Variants in SMG1 observed in about 807,000 individuals in gnomAD.
SMG1 encodes SMG1 nonsense mediated mRNA decay associated PI3K related kinase, also known as serine/threonine-protein kinase SMG1.
SMG1 carries 22 observed loss-of-function variants against 419.9 expected under a neutral mutation model. That is an observed-to-expected ratio of 0.05 (90% CI 0.04 to 0.07). The LOEUF is 0.07. SMG1 is among the 10% of genes least tolerant of loss of function. The probability of loss-of-function intolerance (pLI) is 1.00; values close to 1 mark genes in which losing one functional copy is unlikely to be tolerated. For synonymous variants in SMG1, 1,538 were observed against 1,553.5 expected (o/e 0.99, Z 0.23); for missense variants, 3,185 against 4,342.0 (o/e 0.73, Z 7.49).
chr16:18,893,582 T>C (rs915897358), intron 3 of SMG1, among the ~76,000 whole-genome samples: 8 of 151,988 alleles, frequency 5.3e-5, no homozygotes, highest in African/African-American at 1.9e-4. Flanking sequence ...ATCACACTAG[T>C]GCATTCCAGC....
chr16:18,810,036 A>G (rs958062882), intron 62 of SMG1, among the ~76,000 whole-genome samples: 23 of 152,152 alleles, frequency 1.5e-4, no homozygotes, highest in African/African-American at 5.3e-4. Context: ...ATACAAGAAT[A>G]TAATAGTGTT....
At chr16:18,861,512 C>T (rs2035216370) in intron 25 of SMG1, 1 of 151,934 alleles carries the variant, frequency 6.6e-6, no homozygotes, top group Non-Finnish European at 1.5e-5. Context: ...TTTGCCTGTC[C>T]CTCTCGCTGT....
rs1326018209 is a variant in SMG1 at position 18,808,908 on chromosome 16, G to C, written c.*661C>G. ...TAGGTAAAGGGGGAACGGGTAAGTG[G>C]TGGGGAGGAGTAGGGAACGATGGGG... On this transcript the variant is annotated 3_prime_UTR_variant, in exon 63 of 63. Coordinates refer to ENST00000446231, the MANE Select transcript of SMG1 (RefSeq NM_015092.5). 6.6e-6 allele frequency: 1 copy of C among 152,574 alleles called. No individual in the cohort carries two copies. The highest frequency in any genetic ancestry group is 1.5e-5 in the Non-Finnish European group (1 of 68,016). 9.5% of individuals were successfully genotyped at this position (152,574 alleles called of 1,614,324 possible).
At position 18,829,932 on chromosome 16, in the gene SMG1, A is replaced by G. The variant is rs771436180; in HGVS notation, c.9127T>C (p.Leu3043=). ...FRLCGTFSKT[L]SGSSSLEDQN... is the part of the protein sequence containing the mutation. ...TTTACAGGTAGAATATTACCTGACAATGTTTTAGAAAAGGTACCACAGAGC... is the reference window on the plus strand; with the variant it reads ...TTTACAGGTAGAATATTACCTGACAGTGTTTTAGAAAAGGTACCACAGAGC... The change falls in exon 53 of 63, where the codon TTG becomes CTG. Residue 3043 remains leucine, a synonymous_variant. Transcript: ENST00000446231. 44 of 1,547,798 alleles carry G rather than the reference A, an allele frequency of 2.8e-5. 1 individual carries two copies. The highest frequency in any genetic ancestry group is 2.6e-4 in the South Asian group (21 of 80,180).
chr16:18,828,262 GAA>G, intron 54 of SMG1, 94 bp from the exon 55 acceptor site: 1 of 1,282,878 alleles, frequency 7.8e-7, no homozygotes, highest in Non-Finnish European at 1.1e-6. Context: ...TGGCGGAAGA[GAA>G]AAAAATCCCA....
intron 13 of SMG1, chr16:18,875,836 T>C (rs1318606114): frequency 6.4e-6 from 3 of 466,544 alleles, no homozygotes; most frequent in Non-Finnish European, 1.1e-5. Context: ...ACATTTTCTA[T>C]AAGCATGCTA....
intron 41 of SMG1, 146 bp downstream of exon 41, chr16:18,841,415 AAAAG>A: frequency 1.5e-6 from 1 of 667,458 alleles, no homozygotes; most frequent in Non-Finnish European, 2.5e-6. Context: ...AAAAAAAAAA[AAAAG>A]TACCTCAAAA....
chr16:18,894,856 C>T (rs1398647104), intron 3 of SMG1, among the ~76,000 whole-genome samples: 1 of 152,034 alleles, frequency 6.6e-6, no homozygotes, highest in Non-Finnish European at 1.5e-5. Context: ...CTCGCTCTGT[C>T]GCCCAGGCTG....
At chr16:18,899,285 C>T (rs1057321342) in intron 1 of SMG1, among the ~76,000 whole-genome samples, 3 of 151,962 alleles carry the variant, frequency 2.0e-5, no homozygotes, top group African/African-American at 4.8e-5. Flanking sequence ...GCCGCTTCCC[C>T]GTTGGTTAGA....
chr16:18,808,325 T>C lies in SMG1; in HGVS notation c.*1244A>G, dbSNP rs1051809858. ...AGATGTTGGTGGATCTCATTTTCACTGTTTCATGTACATGTCCTAAAATGC... is the reference window on the plus strand; with the variant it reads ...AGATGTTGGTGGATCTCATTTTCACCGTTTCATGTACATGTCCTAAAATGC... On this transcript the variant is annotated 3_prime_UTR_variant, in exon 63 of 63. Transcript: ENST00000446231. 5 of 152,240 alleles carry C rather than the reference T, an allele frequency of 3.3e-5. No individual in the cohort carries two copies. Among genetic ancestry groups the C allele is most frequent in the African/African-American group, 7.2e-5 (3 of 41,466 alleles). 9.4% of individuals were successfully genotyped at this position (152,240 alleles called of 1,614,324 possible).
chr16:18,828,199 C>T, intron 54 of SMG1, 31 bp from the exon 55 acceptor site: 1 of 1,603,446 alleles, frequency 6.2e-7, no homozygotes. Flanking sequence ...GTATTAAAAT[C>T]AGCAGGAAAA....
chr16:18,809,783 A>C (rs559708886), intron 62 of SMG1, 137 bp from the exon 63 acceptor site: 2 of 613,126 alleles, frequency 3.3e-6, no homozygotes, highest in Admixed American at 5.8e-5. Context: ...TAAGCCCCTT[A>C]ATTTTCATAT....
intron 13 of SMG1, among the ~76,000 whole-genome samples, chr16:18,873,836 G>A (rs1298842471): frequency 6.6e-6 from 1 of 152,118 alleles, no homozygotes. Flanking sequence ...ACACTGCCAA[G>A]ACACTCCATT....
intron 3 of SMG1, among the ~76,000 whole-genome samples, chr16:18,895,080 G>C (rs2037060893): frequency 6.6e-6 from 1 of 151,992 alleles, no homozygotes; most frequent in South Asian, 2.1e-4. Flanking sequence ...GCCTCCCAAA[G>C]TGCTGGGATT....
chr16:18,839,543 C>T (rs1056581396), intron 42 of SMG1, among the ~76,000 whole-genome samples, 155 bp downstream of exon 42: 1 of 152,178 alleles, frequency 6.6e-6, no homozygotes, highest in East Asian at 1.9e-4. Flanking sequence ...ATGTTCATGC[C>T]TTTATAACTG....
Position 18,863,801 on chromosome 16 carries a change from C to A in SMG1, c.3544G>T (p.Val1182Phe), listed in dbSNP as rs763690262. ...LSKPTDSSPEVINYLGNKACE... is the reference protein window; with the variant it reads ...LSKPTDSSPEFINYLGNKACE... ...GCTTTATTTCCTAAATAATTTATAA[C>A]CTCAGGGGAAGAGTCAGTCGGTTTG... The change falls in exon 25 of 63, where the codon GTT (valine) becomes TTT (phenylalanine). Residue 1182 changes from valine to phenylalanine, a missense_variant. Val to Phe is a conservative substitution (Grantham distance 50). Coordinates refer to ENST00000446231, the MANE Select transcript of SMG1 (RefSeq NM_015092.5). 15 of 1,589,362 alleles carry A rather than the reference C, an allele frequency of 9.4e-6. No individual in the cohort carries two copies. The highest frequency in any genetic ancestry group is 1.3e-5 in the Non-Finnish European group (15 of 1,163,720).
At chr16:18,902,676 C>CGCGCGAGA (rs2037394748) in intron 1 of SMG1, among the ~76,000 whole-genome samples, 1 of 150,244 alleles carries the variant, frequency 6.7e-6, no homozygotes, top group South Asian at 2.1e-4. Context: ...ACTGCACTCT[C>CGCGCGAGA]GCCTGGGTGA....
chr16:18,923,279 G>A lies in SMG1; in HGVS notation c.92+2671C>T, dbSNP rs545936176. Among the ~76,000 whole-genome samples, 8 of 152,182 alleles carry A rather than the reference G, an allele frequency of 5.3e-5. No individual in the cohort carries two copies. The East Asian group carries it at 1.2e-3, about 22-fold the overall frequency. On this transcript the variant is annotated intron_variant, in intron 1 of 62. Coordinates refer to ENST00000446231, the MANE Select transcript of SMG1 (RefSeq NM_015092.5). ...GTGAAGTATCATGTGTGGTCAAAAT[G>A]GACTCAACAGTCATTTTCCACACCA...
At chr16:18,844,364 G>A (rs954386280) in intron 39 of SMG1, among the ~76,000 whole-genome samples, 2 of 151,438 alleles carry the variant, frequency 1.3e-5, no homozygotes, top group African/African-American at 4.9e-5. Context: ...GGGAGGCAGA[G>A]GCAGCAGTGA....
Sources: gnomAD v4.1 joint callset for allele counts (sites outside exome capture counted in the v4.1 genomes callset) on GRCh38, gnomAD v4.1.1 for gene constraint, MANE v1.5 for transcripts, NCBI Gene and HGNC (gene_info 2026-07-23, HGNC 2026-07-21) for gene names.